DNAH12: variants seen among roughly 807,000 people sequenced by gnomAD.
The protein encoded by DNAH12 is dynein axonemal heavy chain 12.
In DNAH12, 285 loss-of-function variants were observed where a neutral mutation model predicts 371.5. That is an observed-to-expected ratio of 0.77 (90% confidence interval 0.70 to 0.85). DNAH12 has a LOEUF of 0.85. DNAH12 is among the 40% of genes least tolerant of loss of function. DNAH12 has a pLI of 0.00. For missense variants in DNAH12, 3,611 were observed against 3,689.4 expected, an observed-to-expected ratio of 0.98 and a Z score of 0.55; for synonymous variants, 1,200 against 1,213.0, an observed-to-expected ratio of 0.99 and a Z score of 0.22.
intron 62 of DNAH12, among the ~76,000 whole-genome samples, chr3:57,332,114 C>A (rs1046066945): frequency 1.3e-5 from 2 of 152,168 alleles, no homozygotes; most frequent in Admixed American, 1.3e-4. Context: ...ACAAAGTCTT[C>A]CTTACTGCTT....
At position 57,502,359 on chromosome 3, in the gene DNAH12, T is replaced by C; in HGVS notation, c.1207A>G (p.Asn403Asp). 6.2e-7 allele frequency: 1 copy of C among 1,614,166 alleles called. No individual in the cohort carries two copies. Among genetic ancestry groups the C allele is most frequent in the Non-Finnish European group, 8.5e-7 (1 of 1,180,032 alleles). ...VDTLKAAVHR[N>D]LEGARKHYET... is the part of the protein sequence containing the mutation. ...TAATGCTTTCTTGCACCTTCTAAGT[T>C]CCGATGTACTGCTGCCTTCAGTGTA... Residue 403 changes from asparagine to aspartate, a missense_variant, in exon 10 of 74, where the codon AAC (asparagine) becomes GAC (aspartate). Asn to Asp is a conservative substitution (Grantham distance 23, BLOSUM62 1). Transcript: ENST00000495027.
intron 45 of DNAH12, among the ~76,000 whole-genome samples, chr3:57,390,307 G>A (rs1484299923): frequency 7.2e-6 from 1 of 138,822 alleles, no homozygotes; most frequent in Non-Finnish European, 1.6e-5. Flanking sequence ...CAGCTACTCT[G>A]GAGGCTGAGG....
At chr3:57,417,719 A>G (rs930297156) in intron 37 of DNAH12, among the ~76,000 whole-genome samples, 23 of 152,192 alleles carry the variant, frequency 1.5e-4, no homozygotes, top group African/African-American at 5.3e-4. Context: ...ACTCATGCCC[A>G]TTCCTTCTTC....
chr3:57,445,359 G>A lies in DNAH12; in HGVS notation c.4240C>T (p.Leu1414Phe), dbSNP rs2065452033. The change falls in exon 28 of 74, where the codon CTC (leucine) becomes TTC (phenylalanine). Residue 1414 changes from leucine (L) to phenylalanine (F), a missense_variant. Leu to Phe is a conservative substitution (Grantham distance 22). Transcript: ENST00000495027. ...GCATTCAAAAATCCGTAAGAGTAGA[G>A]GGAGATTTCTGCTATAAGCGCATAG... ...PNYALIAEISLYSYGFLNARP... is the reference protein window; with the variant it reads ...PNYALIAEISFYSYGFLNARP... The A allele has an allele frequency of 6.4e-7, 1 of 1,551,554 alleles. No individual in the cohort carries two copies. Among genetic ancestry groups the A allele is most frequent in the African/African-American group, 1.4e-5 (1 of 73,158 alleles).
intron 17 of DNAH12, 175 bp downstream of exon 17, chr3:57,468,561 G>C (rs1255305216): frequency 5.9e-6 from 2 of 336,686 alleles, no homozygotes; most frequent in Non-Finnish European, 9.8e-6. Flanking sequence ...GTGGCAGTGA[G>C]TCACCACTAC....
At chr3:57,490,558 T>A (rs2067080833) in intron 11 of DNAH12, among the ~76,000 whole-genome samples, 1 of 152,190 alleles carries the variant, frequency 6.6e-6, no homozygotes. Context: ...CCACCTTTAA[T>A]GTTTCTATCT....
At position 57,542,688 on chromosome 3, in the gene DNAH12, A is replaced by T; in HGVS notation, c.170+13T>A. 6.4e-7 allele frequency: 1 copy of T among 1,556,006 alleles called. No homozygotes were observed. The highest frequency in any genetic ancestry group is 8.7e-7 in the Non-Finnish European group (1 of 1,155,326). On this transcript the variant is annotated intron_variant, in intron 2 of 73. Coordinates refer to ENST00000495027, the MANE Select transcript of DNAH12 (RefSeq NM_001366028.2). ...AATTCCAAGCAAGAATTATCTACTA[A>T]TATGCTACTTACACTAACTGATTAA...
At chr3:57,396,378 T>C (rs2063741950) in intron 43 of DNAH12, among the ~76,000 whole-genome samples, 1 of 150,360 alleles carries the variant, frequency 6.7e-6, no homozygotes, top group Non-Finnish European at 1.5e-5. Flanking sequence ...ATTTAACTTA[T>C]TGTCATGAGC....
chr3:57,471,336 A>C, intron 15 of DNAH12, 136 bp downstream of exon 15: 5 of 538,476 alleles, frequency 9.3e-6, no homozygotes, highest in Non-Finnish European at 1.3e-5. Flanking sequence ...ATATGTATAT[A>C]TGTAATATAT....
chr3:57,507,825 T>A lies in DNAH12; in HGVS notation c.715A>T (p.Ile239Phe). 6.3e-7 allele frequency: 1 copy of A among 1,582,924 alleles called. No individual in the cohort carries two copies. The highest frequency in any genetic ancestry group is 8.5e-7 in the Non-Finnish European group (1 of 1,173,144). Reference sequence around the variant, plus strand: ...TCAGTTTTCAGTGATTCACAGTCAATTGGACCTTTAGCTCTATTTATGAGA... The same window carrying A: ...TCAGTTTTCAGTGATTCACAGTCAAATGGACCTTTAGCTCTATTTATGAGA... ...DFTGIRAKGP[I>F]DCESLKTDLS... The change falls in exon 8 of 74, where the codon ATT (isoleucine) becomes TTT (phenylalanine). Residue 239 changes from isoleucine (I) to phenylalanine (F), a missense_variant. By Grantham distance (21) the Ile-to-Phe change is conservative. Around this residue, in one of 3 missense-constraint regions of DNAH12, gnomAD observed 1,314 missense variants for 1,398.7 expected, o/e 0.94. Coordinates refer to ENST00000495027, the MANE Select transcript of DNAH12 (RefSeq NM_001366028.2).
chr3:57,551,511 T>G, the DNAH12 span, among the ~76,000 whole-genome samples: 1 of 151,590 alleles, frequency 6.6e-6, no homozygotes, highest in Non-Finnish European at 1.5e-5. Flanking sequence ...GACCTCGTGA[T>G]CCGCCCGCCT....
intron 64 of DNAH12, 109 bp downstream of exon 64, chr3:57,322,898 C>A (rs1424528221): frequency 7.0e-7 from 1 of 1,429,848 alleles, no homozygotes; most frequent in Non-Finnish European, 9.2e-7. Context: ...CCACTGCACT[C>A]CAGCCTGGGA....
intron 4 of DNAH12, among the ~76,000 whole-genome samples, chr3:57,522,467 G>C (rs1225450228): frequency 6.6e-6 from 1 of 152,122 alleles, no homozygotes; most frequent in Non-Finnish European, 1.5e-5. Context: ...TGGGAATGTT[G>C]TGTATCAGTA....
rs2061846783 is a variant in DNAH12, at chr3:57,323,155, G to C, written c.10235C>G (p.Ala3412Gly). The change falls in exon 64 of 74, where the codon GCA (alanine) becomes GGA (glycine). Residue 3412 changes from alanine (A) to glycine (G), a missense_variant. By Grantham distance (60) the Ala-to-Gly change is moderately conservative. Coordinates refer to ENST00000495027, the MANE Select transcript of DNAH12 (RefSeq NM_001366028.2). ...GCACACCCAAGTTCCTTCTTCAATT[G>C]CTGCTTTAATCATTTTTGCTGCAAT... is the stretch of plus-strand genomic sequence containing the variant. ...GPIAAKMIKA[A>G]IEEGTWVCLQ... The C allele has an allele frequency of 1.9e-6, 3 of 1,552,218 alleles. No individual in the cohort carries two copies. In the East Asian group the frequency reaches 7.3e-5, roughly 38 times the overall value.
intron 11 of DNAH12, among the ~76,000 whole-genome samples, chr3:57,489,935 C>T (rs781239689): frequency 3.0e-4 from 46 of 152,122 alleles, no homozygotes; most frequent in African/African-American, 5.1e-4. Context: ...ACATATCACA[C>T]GGTAAAATTT....
chr3:57,411,017 G>A (rs2064184780), intron 39 of DNAH12, among the ~76,000 whole-genome samples: 1 of 151,664 alleles, frequency 6.6e-6, no homozygotes, highest in Non-Finnish European at 1.5e-5. Context: ...CTAAGGGCTA[G>A]CAATAAGATG....
At chr3:57,471,290 T>C (rs997754041) in intron 15 of DNAH12, among the ~76,000 whole-genome samples, 182 bp downstream of exon 15, 1 of 150,038 alleles carries the variant, frequency 6.7e-6, no homozygotes, top group East Asian at 1.9e-4. Context: ...TACATATTTA[T>C]GTATTTTACT....
At chr3:57,489,178 T>C (rs2067034457) in intron 12 of DNAH12, among the ~76,000 whole-genome samples, 1 of 152,238 alleles carries the variant, frequency 6.6e-6, no homozygotes, top group South Asian at 2.1e-4. Flanking sequence ...ATACAATAAG[T>C]AAATATTGAG....
Position 57,433,838 on chromosome 3 carries a change from A to T in DNAH12, c.4656-10T>A, listed in dbSNP as rs964697299. On this transcript the variant is annotated splice_polypyrimidine_tract_variant and intron_variant, in intron 30 of 73. Transcript: ENST00000495027. ...TCCTACTAACATAAAACTATGAAGG[A>T]AAAGAAATAATTATACAATAAGAGT... is the stretch of plus-strand genomic sequence containing the variant. The T allele has an allele frequency of 3.3e-6, 5 of 1,514,042 alleles. No individual in the cohort carries two copies. In the African/African-American group the frequency reaches 4.2e-5, roughly 13 times the overall value. The allele number at this position is 1,514,042 out of a possible 1,614,324, so 93.8% of individuals were successfully genotyped here.
Sources: gnomAD v4.1 joint callset for allele counts (sites outside exome capture counted in the v4.1 genomes callset) on GRCh38, gnomAD v4.1.1 for gene constraint, gnomAD v4.1.1 regional missense constraint, MANE v1.5 for transcripts, NCBI Gene and HGNC (gene_info 2026-07-23, HGNC 2026-07-21) for gene names.